RIC8B: variants seen among roughly 807,000 people sequenced by gnomAD.
RIC8B encodes RIC8 guanine nucleotide exchange factor B, also known as chaperone Ric-8B.
RIC8B carries 16 observed loss-of-function variants against 57.5 expected under a neutral mutation model. The ratio of observed to expected loss-of-function variants is 0.28; its 90% confidence interval spans 0.19 to 0.42. The LOEUF (loss-of-function observed/expected upper bound fraction) is 0.42. RIC8B is among the 10% of genes least tolerant of loss of function. The pLI, the probability that RIC8B is intolerant of heterozygous loss-of-function variation, is 1.00. For missense variants in RIC8B, 481 were observed against 677.0 expected, an observed-to-expected ratio of 0.71 and a Z score of 3.21; for synonymous variants, 216 against 250.8, an observed-to-expected ratio of 0.86 and a Z score of 1.31.
At chr12:106,808,358 A>G (rs544570818) in intron 2 of RIC8B, among the ~76,000 whole-genome samples, 3 of 152,258 alleles carry the variant, frequency 2.0e-5, no homozygotes, top group South Asian at 2.1e-4. Flanking sequence ...AGGGACAACT[A>G]TATTTATGAA....
At chr12:106,786,244 G>A (rs1247646994) in intron 2 of RIC8B, among the ~76,000 whole-genome samples, 4 of 146,484 alleles carry the variant, frequency 2.7e-5, no homozygotes, top group Non-Finnish European at 5.9e-5. Context: ...CCGCCTCCCA[G>A]GTTCATGCCA....
chr12:106,800,750 T>C (rs2044695267), intron 2 of RIC8B, among the ~76,000 whole-genome samples: 1 of 152,060 alleles, frequency 6.6e-6, no homozygotes, highest in African/African-American at 2.4e-5. Context: ...AGTGGCTAAT[T>C]GAGTGTTGTG....
intron 9 of RIC8B, among the ~76,000 whole-genome samples, chr12:106,882,943 AC>A (rs1343635298): frequency 1.3e-5 from 2 of 152,186 alleles, no homozygotes; most frequent in African/African-American, 4.8e-5. Context: ...TGGCCATAAA[AC>A]TAATATTTTT....
intron 1 of RIC8B, among the ~76,000 whole-genome samples, chr12:106,775,686 C>G: frequency 6.6e-6 from 1 of 152,222 alleles, no homozygotes. Context: ...GAACCTCTTT[C>G]CAAGAACCGT....
intron 9 of RIC8B, among the ~76,000 whole-genome samples, chr12:106,882,351 T>G (rs1950981305): frequency 6.6e-6 from 1 of 152,188 alleles, no homozygotes; most frequent in Admixed American, 6.5e-5. Context: ...TTCTTACAGC[T>G]AGTGACTGGT....
Position 106,842,810 on chromosome 12 carries a change from T to G in RIC8B, c.1058T>G (p.Ile353Arg). 21 of 1,573,884 alleles carry G rather than the reference T, an allele frequency of 1.3e-5. No individual in the cohort carries two copies. The highest frequency in any genetic ancestry group is 1.7e-5 in the Non-Finnish European group (20 of 1,143,754). The change falls in exon 5 of 10, where the codon ATA becomes AGA. Residue 353 changes from isoleucine (I) to arginine (R), a missense_variant. Coordinates refer to ENST00000392837, the MANE Select transcript of RIC8B (RefSeq NM_001330145.2). ...HVLLNFMEKR[I>R]DKGSSYREGL... ...TTACTGAATTTTATGGAGAAGAGAA[T>G]AGACAAGGTAAGGCTGATAAAATGG... is the stretch of plus-strand genomic sequence containing the variant.
chr12:106,828,477 GAA>G (rs1486567212), intron 4 of RIC8B, among the ~76,000 whole-genome samples: 1 of 152,078 alleles, frequency 6.6e-6, no homozygotes, highest in Non-Finnish European at 1.5e-5. Flanking sequence ...TTCCATTTTT[GAA>G]AGTTATTTTC....
rs561420134 is a variant in RIC8B, at chr12:106,812,643, GACTCCACCCCCAGGAATATAC to G, written c.133-2052_133-2032del. Reference sequence around the variant, plus strand: ...AATTGTGTGGAAACAAAGGTGATCTGACTCCACCCCCAGGAATATACCACATGTGAAGCAGTATGTAGAATG... The same window carrying G: ...AATTGTGTGGAAACAAAGGTGATCTGCACATGTGAAGCAGTATGTAGAATG... On this transcript the variant is annotated intron_variant, in intron 2 of 9. Transcript: ENST00000392837. Among the ~76,000 whole-genome samples the G allele has an allele frequency of 2.1e-3, 322 of 152,158 alleles. 1 individual carries two copies. Among genetic ancestry groups the G allele is most frequent in the Non-Finnish European group, 3.5e-3 (241 of 67,998 alleles).
At chr12:106,804,460 C>T (rs1211890227) in intron 2 of RIC8B, among the ~76,000 whole-genome samples, 1 of 152,184 alleles carries the variant, frequency 6.6e-6, no homozygotes, top group African/African-American at 2.4e-5. Context: ...AAGTGATCCG[C>T]CCGCCTTGGC....
intron 2 of RIC8B, among the ~76,000 whole-genome samples, chr12:106,785,420 A>G (rs2043959786): frequency 6.6e-6 from 1 of 152,160 alleles, no homozygotes; most frequent in Non-Finnish European, 1.5e-5. Flanking sequence ...CAATATTCTC[A>G]TAATACTCTA....
In RIC8B at chr12:106,858,882, C is replaced by G. The variant is rs539812003; in HGVS notation, c.1307-1386C>G. On this transcript the variant is annotated intron_variant, in intron 7 of 9. Transcript: ENST00000392837. Reference sequence around the variant, plus strand: ...GTATTTGAAAATGTAACAGTAAACTCTATCCTAGAATATATTTATCCTGTC... The same window carrying G: ...GTATTTGAAAATGTAACAGTAAACTGTATCCTAGAATATATTTATCCTGTC... 1.8e-4 allele frequency among the ~76,000 whole-genome samples: 28 copies of G among 152,216 alleles called. 1 individual carries two copies. The South Asian group carries it at 2.3e-3, about 12-fold the overall frequency.
chr12:106,854,751 T>C (rs1349716179), intron 7 of RIC8B, among the ~76,000 whole-genome samples: 1 of 152,008 alleles, frequency 6.6e-6, no homozygotes, highest in Non-Finnish European at 1.5e-5. Context: ...ATCACGCCAC[T>C]GCACTCCAGC....
At chr12:106,779,886 T>TG (rs2043678651) in intron 1 of RIC8B, among the ~76,000 whole-genome samples, 1 of 104,020 alleles carries the variant, frequency 9.6e-6, no homozygotes, top group Non-Finnish European at 1.8e-5. Flanking sequence ...TTTTTTTTTT[T>TG]TTTGTGTGTG....
chr12:106,838,035 T>C (rs1296282472), intron 4 of RIC8B, among the ~76,000 whole-genome samples: 2 of 152,206 alleles, frequency 1.3e-5, no homozygotes, highest in Non-Finnish European at 2.9e-5. Flanking sequence ...TGTATACAAC[T>C]TGATGAGTTT....
At chr12:106,812,241 G>A (rs2045366974) in intron 2 of RIC8B, among the ~76,000 whole-genome samples, 1 of 152,048 alleles carries the variant, frequency 6.6e-6, no homozygotes, top group South Asian at 2.1e-4. Context: ...TTGCTTGCTG[G>A]ATGATCTTCT....
intron 3 of RIC8B, among the ~76,000 whole-genome samples, chr12:106,821,641 C>A (rs768072578): frequency 6.6e-6 from 1 of 151,926 alleles, no homozygotes; most frequent in Non-Finnish European, 1.5e-5. Context: ...GAAATGACAT[C>A]GATTTTCATT....
At chr12:106,777,993 C>T (rs1227448673) in intron 1 of RIC8B, among the ~76,000 whole-genome samples, 1 of 152,144 alleles carries the variant, frequency 6.6e-6, no homozygotes, top group African/African-American at 2.4e-5. Context: ...GTTTCCTCAT[C>T]TGCCAAATGG....
intron 8 of RIC8B, among the ~76,000 whole-genome samples, chr12:106,861,658 C>T (rs560725573): frequency 6.6e-6 from 1 of 152,092 alleles, no homozygotes; most frequent in Non-Finnish European, 1.5e-5. Flanking sequence ...AATCCTGCTT[C>T]TTTCTTTCCC....
chr12:106,777,472 G>C (rs557782223), intron 1 of RIC8B, among the ~76,000 whole-genome samples: 1 of 152,274 alleles, frequency 6.6e-6, no homozygotes, highest in African/African-American at 2.4e-5. Context: ...TGGATTATGA[G>C]GTGATTATAG....
Sources: gnomAD v4.1 joint callset for allele counts (sites outside exome capture counted in the v4.1 genomes callset) on GRCh38, gnomAD v4.1.1 for gene constraint, MANE v1.5 for transcripts, NCBI Gene and HGNC (gene_info 2026-07-23, HGNC 2026-07-21) for gene names.